The following BFSP1 variants were observed in gnomAD, a reference collection of about 807,000 sequenced individuals.
The protein encoded by BFSP1 is filensin.
In BFSP1, 38 loss-of-function variants were observed where a neutral mutation model predicts 43.9. The observed-to-expected ratio is 0.87, with a 90% CI of 0.67 to 1.14. The LOEUF (loss-of-function observed/expected upper bound fraction) is 1.14, where lower values mean the gene tolerates loss of function less well. BFSP1 is among the 50% of genes most tolerant of loss of function. The pLI is 0.00. For synonymous variants in BFSP1, 352 were observed against 354.8 expected (o/e 0.99, Z 0.09); for missense variants, 850 against 875.1 (o/e 0.97, Z 0.36).
Position 17,494,667 on chromosome 20 carries a change from G to A in BFSP1, c.1405C>T (p.Arg469Trp), listed in dbSNP as rs746068328. ...ETPTELYTKE[R>W]HVLVTGDANY... is the part of the protein sequence containing the mutation. ...GCATCCCCTGTGACCAGCACGTGCC[G>A]CTCTTTGGTGTAGAGCTCAGTGGGG... is the stretch of plus-strand genomic sequence containing the variant. Residue 469 changes from arginine (R) to tryptophan (W), a missense_variant, in exon 8 of 8, where the codon CGG (arginine) becomes TGG (tryptophan). By Grantham distance (101) the Arg-to-Trp change is moderately radical. Transcript: ENST00000377873. 6.8e-6 allele frequency: 11 copies of A among 1,614,024 alleles called. No homozygotes were observed. The highest frequency in any genetic ancestry group is 6.7e-5 in the African/African-American group (5 of 74,916).
At chr20:17,533,921 G>A (rs1415815002), upstream of BFSP1, among the ~76,000 whole-genome samples, 7 of 152,196 alleles carry the variant, frequency 4.6e-5, no homozygotes, top group Non-Finnish European at 1.0e-4. Context: ...GGTGCAGGAG[G>A]CGAATCCATA....
chr20:17,547,897 A>ATTTT (rs71192391), intron 1 of BFSP1, among the ~76,000 whole-genome samples: 22 of 101,874 alleles, frequency 2.2e-4, no homozygotes, highest in Middle Eastern at 5.3e-3. Context: ...TGCCCGGCCA[A>ATTTT]TTTTTTTTTT....
chr20:17,569,101 C>T lies in BFSP1; in HGVS notation n.50+70G>A, dbSNP rs562986128. 3 of 152,464 alleles carry T rather than the reference C, an allele frequency of 2.0e-5. No individual in the cohort carries two copies. The East Asian group carries it at 5.8e-4, about 29-fold the overall frequency. The allele number at this position is 152,464 out of a possible 1,614,324, so 9.4% of individuals were successfully genotyped here. ...ACAGCGCGGCCTTTCCCAGCCACAC[C>T]CCTGCGCGCCGCCGGCCTCCTTCCC... On this transcript the variant is annotated intron_variant and non_coding_transcript_variant, in intron 1 of 6. Transcript: ENST00000473415.
At chr20:17,538,307 A>G (rs2034663222) in intron 1 of BFSP1, among the ~76,000 whole-genome samples, 1 of 152,230 alleles carries the variant, frequency 6.6e-6, no homozygotes, top group Non-Finnish European at 1.5e-5. Flanking sequence ...TGATATAAAC[A>G]TATATAAATA....
At chr20:17,499,159 TC>T in intron 5 of BFSP1, 119 bp from the exon 6 acceptor site, 1 of 875,984 alleles carries the variant, frequency 1.1e-6, no homozygotes, top group Non-Finnish European at 1.8e-6. Context: ...TGTTTCTCTG[TC>T]CATTCGAGAT....
chr20:17,551,803 T>C (rs564721278), intron 1 of BFSP1, among the ~76,000 whole-genome samples: 1 of 152,058 alleles, frequency 6.6e-6, no homozygotes, highest in Admixed American at 6.6e-5. Context: ...ACCAACATGG[T>C]GAAACCTCGT....
chr20:17,563,210 C>G (rs2035082565), upstream of BFSP1: 1 of 152,300 alleles, frequency 6.6e-6, no homozygotes, highest in African/African-American at 2.4e-5. Context: ...TAGCTGAGCA[C>G]ACTGCTAGTC....
At chr20:17,558,658 CCAA>C in intron 1 of BFSP1, 2 of 1,549,882 alleles carry the variant, frequency 1.3e-6, no homozygotes. Flanking sequence ...AACCTAGAAT[CCAA>C]CACTTGCCGT....
chr20:17,507,114 G>T lies in BFSP1; in HGVS notation c.735+1775C>A, dbSNP rs1244075000. The stretch of plus-strand genomic sequence containing the variant: ...TATTCAACAAATACCTGTACATAAA[G>T]AGAGGAACATTCTTTTTGTCCTGGA... On this transcript the variant is annotated intron_variant, in intron 5 of 7. Coordinates refer to ENST00000377873, the MANE Select transcript of BFSP1 (RefSeq NM_001195.5). The surrounding 1 kb of genome is among the most constrained non-coding windows in gnomAD (Gnocchi z 4.4). 1 of 152,166 alleles carries T rather than the reference G, an allele frequency of 6.6e-6. No homozygotes were observed. The highest frequency in any genetic ancestry group is 1.5e-5 in the Non-Finnish European group (1 of 68,036). 9.4% of individuals were successfully genotyped at this position (152,166 alleles called of 1,614,324 possible).
At chr20:17,567,022 A>C (rs2035127400) in intron 1 of BFSP1, among the ~76,000 whole-genome samples, 1 of 152,146 alleles carries the variant, frequency 6.6e-6, no homozygotes, top group African/African-American at 2.4e-5. Flanking sequence ...TCGCTGTCCA[A>C]AGGCCCCAAC....
intron 5 of BFSP1, among the ~76,000 whole-genome samples, chr20:17,502,509 G>A (rs921908444): frequency 1.3e-5 from 2 of 152,176 alleles, no homozygotes; most frequent in African/African-American, 4.8e-5. Flanking sequence ...GTAGGATCTC[G>A]ACCAGGAAAA....
rs2033596264 is a variant in BFSP1 at position 17,494,957 on chromosome 20, C to T, written c.1115G>A (p.Arg372Lys). ...GTCTTTTGTTATAATCTCTTTTCTC[C>T]TTGGAACATTCTTGGGGAGGGCTTT... ...RQKALPKNVP[R>K]RKEIITKDKT... The change falls in exon 8 of 8, where the codon AGG (arginine) becomes AAG (lysine). Residue 372 changes from arginine to lysine, a missense_variant. Physicochemically the swap from Arg to Lys is conservative, Grantham distance 26. Transcript: ENST00000377873. 6.2e-7 allele frequency: 1 copy of T among 1,614,154 alleles called. No individual in the cohort carries two copies. The highest frequency in any genetic ancestry group is 1.1e-5 in the South Asian group (1 of 91,082).
intron 2 of BFSP1, 95 bp downstream of exon 2, chr20:17,524,753 G>T: frequency 7.3e-7 from 1 of 1,375,400 alleles, no homozygotes; most frequent in Non-Finnish European, 1.0e-6. Flanking sequence ...GACCGCCAAA[G>T]TAACACAAAG....
At chr20:17,522,534 T>C (rs2034339372) in intron 2 of BFSP1, among the ~76,000 whole-genome samples, 1 of 152,246 alleles carries the variant, frequency 6.6e-6, no homozygotes, top group African/African-American at 2.4e-5. Context: ...AAAGGAATAT[T>C]TTATGTCATC....
chr20:17,500,639 G>A (rs564650941), intron 5 of BFSP1, among the ~76,000 whole-genome samples: 23 of 152,020 alleles, frequency 1.5e-4, no homozygotes, highest in Non-Finnish European at 3.1e-4. Flanking sequence ...TTATTTTGGC[G>A]TGTAGTCCCA....
rs528680208 is a variant in BFSP1 at position 17,517,241 on chromosome 20, C to T, written c.439-2425G>A. On this transcript the variant is annotated intron_variant, in intron 2 of 7. Transcript: ENST00000377873. Reference sequence around the variant, plus strand: ...GTGGTGCTGGAGTGTTTATGGCAAGCCACTATGACAGACATTATTGTGGCA... The same window carrying T: ...GTGGTGCTGGAGTGTTTATGGCAAGTCACTATGACAGACATTATTGTGGCA... 4.0e-5 allele frequency: 44 copies of T among 1,092,468 alleles called. No homozygotes were observed. In the East Asian group the frequency reaches 1.0e-3, roughly 25 times the overall value. The allele number at this position is 1,092,468 out of a possible 1,614,324, so 67.7% of individuals were successfully genotyped here. A position where few individuals can be genotyped will look rare whatever the true frequency, so the allele number is the denominator to read the frequency against.
Position 17,511,911 on chromosome 20 carries a change from C to T in BFSP1, c.627+65G>A, listed in dbSNP as rs146785916. 2.3e-5 allele frequency: 33 copies of T among 1,443,410 alleles called. No individual in the cohort carries two copies. The East Asian group carries it at 7.5e-4, about 33-fold the overall frequency. The allele number at this position is 1,443,410 out of a possible 1,614,324, so 89.4% of individuals were successfully genotyped here. Reference sequence around the variant, plus strand: ...TCACAGTCCAACCTGTGAGCCCTTCCCTGGGAGTCTCCAGGTACAGCTTCC... The same window carrying T: ...TCACAGTCCAACCTGTGAGCCCTTCTCTGGGAGTCTCCAGGTACAGCTTCC... On this transcript the variant is annotated intron_variant, in intron 4 of 7. Transcript: ENST00000377873.
Position 17,552,011 on chromosome 20 carries a change from A to C in BFSP1, c.2+6677T>G, listed in dbSNP as rs528686379. Among the ~76,000 whole-genome samples, 21 of 152,320 alleles carry C rather than the reference A, an allele frequency of 1.4e-4. 1 individual carries two copies. The South Asian group carries it at 4.2e-3, about 30-fold the overall frequency. On this transcript the variant is annotated intron_variant, in intron 1 of 7. Coordinates refer to the BFSP1 transcript ENST00000377868. ...AAAAAGAAAAAAAAAGAAGAAAATA[A>C]AAATCCCTGATCCCTGTTCTTGTGG...
Position 17,531,313 on chromosome 20 carries a change from T to C in BFSP1, c.17A>G (p.Tyr6Cys). 4 of 1,466,548 alleles carry C rather than the reference T, an allele frequency of 2.7e-6. No homozygotes were observed. Among genetic ancestry groups the C allele is most frequent in the Non-Finnish European group, 2.7e-6 (3 of 1,115,970 alleles). The allele number at this position is 1,466,548 out of a possible 1,614,324, so 90.8% of individuals were successfully genotyped here. A position where few individuals can be genotyped will look rare whatever the true frequency, so the allele number is the denominator to read the frequency against. Residue 6 changes from tyrosine (Y) to cysteine (C), a missense_variant, in exon 1 of 8, where the codon TAC (tyrosine) becomes TGC (cysteine). Tyr to Cys is a radical substitution (Grantham distance 194, BLOSUM62 -2). Coordinates refer to ENST00000377873, the MANE Select transcript of BFSP1 (RefSeq NM_001195.5). MYRRS[Y>C]VFQTRKEQYE... is the part of the protein sequence containing the mutation. ...CTGCTCCTTGCGGGTCTGGAAGACG[T>C]AGCTGCGCCGGTACATGGCTGCTCT...
Sources: gnomAD v4.1 joint callset for allele counts (sites outside exome capture counted in the v4.1 genomes callset) on GRCh38, gnomAD v4.1.1 for gene constraint, Gnocchi (gnomAD v3.1) non-coding constraint, MANE v1.5 for transcripts, NCBI Gene and HGNC (gene_info 2026-07-23, HGNC 2026-07-21) for gene names.